Variants in DTNB observed in about 807,000 individuals in gnomAD.
DTNB encodes dystrobrevin beta.
In DTNB, 63 loss-of-function variants were observed where a neutral mutation model predicts 90.7. That is an observed-to-expected ratio of 0.69 (90% confidence interval 0.57 to 0.86). DTNB has a LOEUF of 0.86. Ranked by LOEUF, DTNB falls within the 40% of genes least tolerant of loss-of-function variation. DTNB has a pLI of 0.00. For missense variants in DTNB, 744 were observed against 807.1 expected (o/e 0.92, Z 0.95); for synonymous variants, 277 against 286.7 (o/e 0.97, Z 0.34).
intron 5 of DTNB, among the ~76,000 whole-genome samples, chr2:25,602,738 T>C (rs909287339): frequency 6.6e-6 from 1 of 152,210 alleles, no homozygotes; most frequent in Non-Finnish European, 1.5e-5. Flanking sequence ...TATAAAACCA[T>C]TGTGTTAGAA....
At chr2:25,621,083 T>C (rs140339867) in intron 4 of DTNB, among the ~76,000 whole-genome samples, 55 of 152,282 alleles carry the variant, frequency 3.6e-4, no homozygotes, top group East Asian at 9.6e-4. Flanking sequence ...CCACTCAGCA[T>C]AGGACTCTGA....
intron 8 of DTNB, among the ~76,000 whole-genome samples, chr2:25,536,758 G>A (rs1329401530): frequency 5.9e-5 from 9 of 152,026 alleles, no homozygotes; most frequent in Admixed American, 3.3e-4. Flanking sequence ...AGGGGAGAGG[G>A]AGAGCTTTTA....
chr2:25,483,358 GA>G (rs1465467155), intron 9 of DTNB, among the ~76,000 whole-genome samples: 5 of 152,304 alleles, frequency 3.3e-5, no homozygotes, highest in Admixed American at 3.3e-4. Context: ...CTGTTCCTGA[GA>G]TTTGGTTAGA....
intron 4 of DTNB, among the ~76,000 whole-genome samples, chr2:25,625,580 G>C (rs907812036): frequency 6.9e-5 from 3 of 43,596 alleles, no homozygotes; most frequent in African/African-American, 2.6e-4. Context: ...TTTTTTGCTA[G>C]TTATTTTCGG....
intron 14 of DTNB, among the ~76,000 whole-genome samples, chr2:25,429,614 G>A (rs1336113119): frequency 6.6e-6 from 1 of 152,168 alleles, no homozygotes; most frequent in Non-Finnish European, 1.5e-5. Flanking sequence ...CTTTACTGCT[G>A]CCATTCCTAC....
rs944099889 is a variant in DTNB at position 25,669,333 on chromosome 2, G to GA, written c.-2+4052dup. Among the ~76,000 whole-genome samples the GA allele has an allele frequency of 7.3e-5, 11 of 149,738 alleles. No individual in the cohort carries two copies. The East Asian group carries it at 9.8e-4, about 13-fold the overall frequency. The stretch of plus-strand genomic sequence containing the variant: ...TGCTGAAAAACTGGTCATCCAAATT[G>GA]AAAAAAAAATTGTATCTTTTCATTA... On this transcript the variant is annotated intron_variant, in intron 1 of 20. Coordinates refer to ENST00000406818, the MANE Select transcript of DTNB (RefSeq NM_021907.5).
intron 15 of DTNB, among the ~76,000 whole-genome samples, chr2:25,422,791 A>T (rs1464215276): frequency 6.6e-6 from 1 of 152,206 alleles, no homozygotes; most frequent in Non-Finnish European, 1.5e-5. Flanking sequence ...TCTAGATTAA[A>T]TAGGAAGTTT....
intron 11 of DTNB, 71 bp downstream of exon 11, chr2:25,455,334 A>G: frequency 7.0e-7 from 1 of 1,426,728 alleles, no homozygotes; most frequent in Non-Finnish European, 9.4e-7. Flanking sequence ...CCAGCTGACA[A>G]CCCCAGGTAG....
intron 9 of DTNB, among the ~76,000 whole-genome samples, chr2:25,517,986 T>C (rs1023576357): frequency 2.0e-5 from 3 of 152,142 alleles, no homozygotes; most frequent in Admixed American, 6.6e-5. Context: ...TACCATATGA[T>C]TCCACTCACA....
At chr2:25,428,337 T>C (rs1317885171) in intron 14 of DTNB, among the ~76,000 whole-genome samples, 1 of 152,168 alleles carries the variant, frequency 6.6e-6, no homozygotes, top group Non-Finnish European at 1.5e-5. Flanking sequence ...TCTTGGAAAA[T>C]GTATGTGCCT....
chr2:25,401,841 T>C (rs1009024532), intron 16 of DTNB, among the ~76,000 whole-genome samples: 1 of 152,226 alleles, frequency 6.6e-6, no homozygotes, highest in African/African-American at 2.4e-5. Context: ...TCCATTTCTA[T>C]CTCCCTGACT....
chr2:25,493,326 A>T lies in DTNB; in HGVS notation c.1002-10453T>A, dbSNP rs116339870. Among the ~76,000 whole-genome samples the T allele has an allele frequency of 5.8e-3, 880 of 152,246 alleles. 13 individuals are homozygous for T. Among genetic ancestry groups the T allele is most frequent in the African/African-American group, 0.02 (836 of 41,530 alleles). On this transcript the variant is annotated intron_variant, in intron 9 of 20. Coordinates refer to ENST00000406818, the MANE Select transcript of DTNB (RefSeq NM_021907.5). ...TTTTGTAGCCAGCTATTTTGCCCTCAATCCTAGATACCTATGTTACTTCTG... is the reference window on the plus strand; with the variant it reads ...TTTTGTAGCCAGCTATTTTGCCCTCTATCCTAGATACCTATGTTACTTCTG...
rs1032749599 is a variant in DTNB at position 25,633,986 on chromosome 2, G to A, written c.148+5028C>T. On this transcript the variant is annotated intron_variant, in intron 3 of 20. Coordinates refer to ENST00000406818, the MANE Select transcript of DTNB (RefSeq NM_021907.5). ...AGCCCCTCCACCCGGCAGCCGCCCCGTCAGAGAAGTGAGGAGCCCCTCCGC... is the reference window on the plus strand; with the variant it reads ...AGCCCCTCCACCCGGCAGCCGCCCCATCAGAGAAGTGAGGAGCCCCTCCGC... 9.3e-5 allele frequency among the ~76,000 whole-genome samples: 14 copies of A among 151,246 alleles called. No homozygotes were observed. The Middle Eastern group carries it at 0.01, about 113-fold the overall frequency.
At chr2:25,466,390 T>G (rs2061783243) in intron 10 of DTNB, among the ~76,000 whole-genome samples, 1 of 152,072 alleles carries the variant, frequency 6.6e-6, no homozygotes. Context: ...ACTCAATAAT[T>G]CTGTCAACAG....
At position 25,435,261 on chromosome 2, in the gene DTNB, T is replaced by C. The variant is rs559044075; in HGVS notation, c.1258-1266A>G. Among the ~76,000 whole-genome samples the C allele has an allele frequency of 3.9e-5, 6 of 152,290 alleles. No individual in the cohort carries two copies. The South Asian group carries it at 1.0e-3, about 26-fold the overall frequency. The stretch of plus-strand genomic sequence containing the variant: ...GTCTCAAACTCCTGACCTCAAATAA[T>C]CCACCCACCTTGGCCTCCCAAAGTC... On this transcript the variant is annotated intron_variant, in intron 12 of 20. Coordinates refer to ENST00000406818, the MANE Select transcript of DTNB (RefSeq NM_021907.5).
At chr2:25,672,339 T>C (rs2086166608) in intron 1 of DTNB, among the ~76,000 whole-genome samples, 1 of 151,302 alleles carries the variant, frequency 6.6e-6, no homozygotes, top group South Asian at 2.1e-4. Flanking sequence ...ACCTTGCTTG[T>C]CCATTCATTC....
At chr2:25,538,937 G>A (rs2150997151) in intron 8 of DTNB, among the ~76,000 whole-genome samples, 1 of 152,082 alleles carries the variant, frequency 6.6e-6, no homozygotes, top group Middle Eastern at 3.4e-3. Context: ...TCATTTCTTT[G>A]ACTTTATTAT....
At chr2:25,400,834 C>T (rs2043522494) in intron 16 of DTNB, among the ~76,000 whole-genome samples, 2 of 152,170 alleles carry the variant, frequency 1.3e-5, no homozygotes, top group African/African-American at 4.8e-5. Flanking sequence ...ACAGAGGTCC[C>T]TTGTATAACA....
chr2:25,482,205 T>C (rs2065112190), intron 10 of DTNB, among the ~76,000 whole-genome samples: 1 of 152,156 alleles, frequency 6.6e-6, no homozygotes, highest in Admixed American at 6.5e-5. Flanking sequence ...AAGTCCTGCC[T>C]GAGAGAATTT....
Sources: allele counts gnomAD v4.1 joint callset (sites outside exome capture counted in the v4.1 genomes callset), GRCh38; gene constraint gnomAD v4.1.1; transcripts MANE v1.5; gene names NCBI Gene and HGNC (gene_info 2026-07-23, HGNC 2026-07-21).